Variants in RHBDD1 observed in about 807,000 individuals in gnomAD.
RHBDD1 encodes rhomboid-related protein 4.
In RHBDD1, 38 loss-of-function variants were observed where a neutral mutation model predicts 36.3. The ratio of observed to expected loss-of-function variants is 1.05; its 90% CI spans 0.81 to 1.37. The LOEUF (loss-of-function observed/expected upper bound fraction) is 1.37, where lower values mean the gene tolerates loss of function less well. Ranked by LOEUF, RHBDD1 falls within the 40% of genes most tolerant of loss-of-function variation. The pLI is 0.00. For synonymous variants in RHBDD1, 151 were observed against 136.5 expected (o/e 1.11, Z -0.74); for missense variants, 393 against 377.6 (o/e 1.04, Z -0.34).
chr2:226,967,271 G>T (rs1394404416), intron 8 of RHBDD1, among the ~76,000 whole-genome samples: 1 of 152,084 alleles, frequency 6.6e-6, no homozygotes, highest in Admixed American at 6.6e-5. Context: ...CCATGATCTG[G>T]TAACAAACTG....
intron 8 of RHBDD1, among the ~76,000 whole-genome samples, chr2:226,946,241 G>A (rs898299082): frequency 1.3e-5 from 2 of 152,056 alleles, no homozygotes; most frequent in Non-Finnish European, 2.9e-5. Flanking sequence ...TGTTCTGAAT[G>A]GTATTGCCTA....
the RHBDD1 span, among the ~76,000 whole-genome samples, chr2:226,811,395 G>A: frequency 4.6e-5 from 7 of 152,182 alleles, no homozygotes; most frequent in Admixed American, 1.3e-4. Flanking sequence ...TCCGCGTCCC[G>A]GGTCCAAGCG....
intron 8 of RHBDD1, among the ~76,000 whole-genome samples, chr2:226,916,602 T>C (rs1948926565): frequency 6.6e-6 from 1 of 152,182 alleles, no homozygotes; most frequent in African/African-American, 2.4e-5. Flanking sequence ...TTTGGACTTA[T>C]ATTTGGGAGA....
chr2:226,895,981 A>T (rs1427958346), intron 5 of RHBDD1, among the ~76,000 whole-genome samples: 1 of 152,234 alleles, frequency 6.6e-6, no homozygotes, highest in East Asian at 1.9e-4. Context: ...CATATTATCT[A>T]TTAATATTTT....
the RHBDD1 span, among the ~76,000 whole-genome samples, chr2:226,813,040 T>C: frequency 2.0e-5 from 3 of 152,224 alleles, no homozygotes; most frequent in African/African-American, 7.2e-5. Context: ...GAGTCCATCC[T>C]CTGGCTCCAA....
intron 5 of RHBDD1, among the ~76,000 whole-genome samples, chr2:226,883,439 A>T (rs1437882880): frequency 1.3e-5 from 2 of 152,244 alleles, no homozygotes; most frequent in Non-Finnish European, 2.9e-5. Context: ...CATTAGTCAG[A>T]CCTTGTTTAG....
intron 5 of RHBDD1, chr2:226,895,897 A>G (rs931880258): frequency 2.4e-6 from 2 of 816,842 alleles, no homozygotes; most frequent in Non-Finnish European, 3.0e-6. Flanking sequence ...TTCCCTTTGC[A>G]TTTAAAAATA....
upstream of RHBDD1, among the ~76,000 whole-genome samples, chr2:226,831,006 T>A (rs763859626): frequency 1.3e-5 from 2 of 152,244 alleles, no homozygotes; most frequent in African/African-American, 2.4e-5. Flanking sequence ...TCATGGTATA[T>A]GATCTATCCT....
the RHBDD1 span, among the ~76,000 whole-genome samples, chr2:226,801,487 C>T: frequency 6.6e-6 from 1 of 152,180 alleles, no homozygotes. Context: ...GGGGCTCCTC[C>T]CCACCCAAGC....
chr2:226,982,621 C>A (rs551786337), intron 8 of RHBDD1, among the ~76,000 whole-genome samples: 61 of 152,316 alleles, frequency 4.0e-4, no homozygotes, highest in African/African-American at 1.4e-3. Context: ...AACAAATAGA[C>A]TGAATTGTGT....
chr2:226,941,128 G>T (rs575642635), intron 8 of RHBDD1, among the ~76,000 whole-genome samples: 53 of 151,924 alleles, frequency 3.5e-4, no homozygotes, highest in Non-Finnish European at 2.5e-4. Context: ...TTTTGTTGTT[G>T]TTTGTTTGTT....
At chr2:226,906,990 T>A in intron 6 of RHBDD1, 109 bp downstream of exon 6, 1 of 1,095,928 alleles carries the variant, frequency 9.1e-7, no homozygotes, top group Non-Finnish European at 1.4e-6. Flanking sequence ...AAGAATTCCC[T>A]AATATGCCTG....
chr2:226,891,973 A>T (rs1214866844), intron 5 of RHBDD1, among the ~76,000 whole-genome samples: 1 of 152,084 alleles, frequency 6.6e-6, no homozygotes, highest in East Asian at 1.9e-4. Flanking sequence ...AAGCTGAGGG[A>T]CTATCTGCAC....
At chr2:226,937,821 T>C (rs1950428599) in intron 8 of RHBDD1, among the ~76,000 whole-genome samples, 1 of 152,218 alleles carries the variant, frequency 6.6e-6, no homozygotes, top group Admixed American at 6.5e-5. Context: ...ACGTACCACA[T>C]TTTCTTTATC....
chr2:226,814,200 A>G, the RHBDD1 span, among the ~76,000 whole-genome samples: 1 of 152,142 alleles, frequency 6.6e-6, no homozygotes, highest in South Asian at 2.1e-4. Flanking sequence ...CTTGTCTATA[A>G]GGGGGATCAT....
At chr2:226,870,887 G>A (rs1944746995) in intron 5 of RHBDD1, among the ~76,000 whole-genome samples, 1 of 152,116 alleles carries the variant, frequency 6.6e-6, no homozygotes, top group Admixed American at 6.5e-5. Context: ...AGGAGAATAG[G>A]GGGAGGAGTT....
chr2:226,935,184 A>G (rs1328016615), intron 8 of RHBDD1: 1 of 152,088 alleles, frequency 6.6e-6, no homozygotes, highest in Non-Finnish European at 1.5e-5. Context: ...AATGAAACTG[A>G]TTGCTGCTTT....
intron 8 of RHBDD1, among the ~76,000 whole-genome samples, chr2:226,941,906 C>T (rs887697886): frequency 1.3e-5 from 2 of 152,194 alleles, no homozygotes; most frequent in South Asian, 2.1e-4. Context: ...CCACGCAGAA[C>T]CCTATAAAAT....
intron 5 of RHBDD1, 76 bp downstream of exon 5, chr2:226,867,394 G>A: frequency 7.0e-7 from 1 of 1,427,862 alleles, no homozygotes; most frequent in Admixed American, 2.2e-5. Context: ...TAATAATGAG[G>A]TAACCAATTG....
Sources: allele counts gnomAD v4.1 joint callset (sites outside exome capture counted in the v4.1 genomes callset), GRCh38; gene constraint gnomAD v4.1.1; transcripts MANE v1.5; gene names NCBI Gene and HGNC (gene_info 2026-07-23, HGNC 2026-07-21).